Variants in ACAP2 observed in about 807,000 individuals in gnomAD.
The protein encoded by ACAP2 is ArfGAP with coiled-coil, ankyrin repeat and PH domains 2.
Under a neutral mutation model 115.8 loss-of-function variants are expected in ACAP2, and 39 were observed. The ratio of observed to expected loss-of-function variants is 0.34; its 90% CI spans 0.26 to 0.44. The LOEUF is 0.44. ACAP2 is among the 20% of genes least tolerant of loss of function. The pLI, the probability that ACAP2 is intolerant of heterozygous loss-of-function variation, is 1.00. For missense variants in ACAP2, 662 were observed against 927.6 expected (o/e 0.71, Z 3.72); for synonymous variants, 289 against 315.8 (o/e 0.92, Z 0.90).
intron 1 of ACAP2, among the ~76,000 whole-genome samples, chr3:195,431,061 C>T (rs140502586): frequency 1.3e-5 from 2 of 152,320 alleles, no homozygotes; most frequent in African/African-American, 4.8e-5. Context: ...CCTCACCCTC[C>T]AACCCCTAGA....
rs149294604 is a variant in ACAP2 at position 195,354,317 on chromosome 3, T to C, written c.286-9000A>G. On this transcript the variant is annotated intron_variant, in intron 4 of 22. Coordinates refer to ENST00000326793, the MANE Select transcript of ACAP2 (RefSeq NM_012287.6). ...GCTGCAATGAACATACACATACATATGTCTTTATAATAGAACTATATTCCT... is the reference window on the plus strand; with the variant it reads ...GCTGCAATGAACATACACATACATACGTCTTTATAATAGAACTATATTCCT... Among the ~76,000 whole-genome samples the C allele has an allele frequency of 2.2e-4, 34 of 152,364 alleles. No homozygotes were observed. In the East Asian group the frequency reaches 6.4e-3, roughly 29 times the overall value.
chr3:195,406,546 G>A (rs546375490), intron 1 of ACAP2, among the ~76,000 whole-genome samples: 2 of 152,228 alleles, frequency 1.3e-5, no homozygotes, highest in South Asian at 4.1e-4. Context: ...CAGATTGAGA[G>A]AACTAAAAAT....
chr3:195,320,325 G>A (rs1378539922), intron 10 of ACAP2, among the ~76,000 whole-genome samples: 4 of 152,144 alleles, frequency 2.6e-5, no homozygotes, highest in African/African-American at 7.2e-5. Flanking sequence ...AAGCTCACTT[G>A]TCCTATTCAT....
intron 10 of ACAP2, among the ~76,000 whole-genome samples, chr3:195,316,811 A>T (rs1054843073): frequency 6.6e-6 from 1 of 152,044 alleles, no homozygotes; most frequent in Non-Finnish European, 1.5e-5. Flanking sequence ...AATAAAACAA[A>T]CCATCTACCA....
chr3:195,368,507 T>C (rs920760113), intron 4 of ACAP2, among the ~76,000 whole-genome samples: 2 of 152,204 alleles, frequency 1.3e-5, no homozygotes, highest in African/African-American at 4.8e-5. Context: ...TTCTTCCTCC[T>C]GCATTCCCAT....
intron 4 of ACAP2, among the ~76,000 whole-genome samples, chr3:195,370,814 T>C (rs1733079480): frequency 6.6e-6 from 1 of 152,110 alleles, no homozygotes; most frequent in South Asian, 2.1e-4. Context: ...TAGCCAGGTA[T>C]GGTGGTGGGC....
intron 10 of ACAP2, among the ~76,000 whole-genome samples, chr3:195,311,693 C>A (rs913543790): frequency 1.3e-5 from 2 of 151,990 alleles, no homozygotes; most frequent in Non-Finnish European, 1.5e-5. Context: ...TGCACCACCA[C>A]GCCCAGCTAA....
chr3:195,303,331 C>T (rs774840648), intron 13 of ACAP2, among the ~76,000 whole-genome samples: 2 of 151,832 alleles, frequency 1.3e-5, no homozygotes, highest in Non-Finnish European at 2.9e-5. Context: ...ATTGCTTAAA[C>T]CCGGGAGGGG....
chr3:195,428,384 A>C (rs1440748569), intron 1 of ACAP2, among the ~76,000 whole-genome samples: 1 of 151,608 alleles, frequency 6.6e-6, no homozygotes, highest in African/African-American at 2.4e-5. Flanking sequence ...AGGTCTATAC[A>C]TATATATACA....
chr3:195,348,499 C>T (rs543143087), intron 4 of ACAP2, among the ~76,000 whole-genome samples: 3 of 151,706 alleles, frequency 2.0e-5, no homozygotes, highest in East Asian at 1.9e-4. Flanking sequence ...TCTGAGAAAA[C>T]GGAAGAACAA....
At chr3:195,354,454 A>G (rs1004202861) in intron 4 of ACAP2, among the ~76,000 whole-genome samples, 2 of 152,128 alleles carry the variant, frequency 1.3e-5, no homozygotes, top group Non-Finnish European at 2.9e-5. Context: ...CTTTTTTTAT[A>G]TGAGTGTTAG....
chr3:195,374,069 G>A (rs1030623442), intron 4 of ACAP2, among the ~76,000 whole-genome samples: 2 of 152,010 alleles, frequency 1.3e-5, no homozygotes, highest in African/African-American at 2.4e-5. Flanking sequence ...GAGCAACTTC[G>A]GTGTAAACCT....
At chr3:195,425,659 T>C (rs1714627863) in intron 1 of ACAP2, among the ~76,000 whole-genome samples, 1 of 152,164 alleles carries the variant, frequency 6.6e-6, no homozygotes, top group South Asian at 2.1e-4. Context: ...TGTCTCAAAC[T>C]TAACATGTAA....
chr3:195,398,577 C>T (rs368989365), intron 1 of ACAP2, among the ~76,000 whole-genome samples: 3 of 151,648 alleles, frequency 2.0e-5, no homozygotes, highest in African/African-American at 4.8e-5. Flanking sequence ...ACAGAGGTTG[C>T]GGTGAGCCAA....
At chr3:195,415,720 C>A (rs977373069) in intron 1 of ACAP2, among the ~76,000 whole-genome samples, 14 of 152,122 alleles carry the variant, frequency 9.2e-5, no homozygotes, top group Non-Finnish European at 1.9e-4. Context: ...TTGCATACCA[C>A]TGATTTGATA....
At chr3:195,347,152 C>T in intron 4 of ACAP2, among the ~76,000 whole-genome samples, 1 of 152,000 alleles carries the variant, frequency 6.6e-6, no homozygotes, top group East Asian at 1.9e-4. Flanking sequence ...TGAAGAATGA[C>T]AGTGTAAATA....
chr3:195,320,125 A>G (rs1246737535), intron 10 of ACAP2, among the ~76,000 whole-genome samples: 1 of 152,176 alleles, frequency 6.6e-6, no homozygotes, highest in Non-Finnish European at 1.5e-5. Context: ...ACCTTCTGCC[A>G]TGACTGTAAG....
At chr3:195,372,559 A>T (rs903236316) in intron 4 of ACAP2, among the ~76,000 whole-genome samples, 4 of 152,010 alleles carry the variant, frequency 2.6e-5, no homozygotes, top group Non-Finnish European at 4.4e-5. Flanking sequence ...AATAGCCCGC[A>T]CCTTGTAATC....
chr3:195,362,879 T>C (rs1248366195), intron 4 of ACAP2, among the ~76,000 whole-genome samples: 2 of 152,204 alleles, frequency 1.3e-5, no homozygotes, highest in African/African-American at 2.4e-5. Context: ...CTGAAAGCCT[T>C]TTCTCTAAGA....
Sources: allele counts gnomAD v4.1 joint callset (sites outside exome capture counted in the v4.1 genomes callset), GRCh38; gene constraint gnomAD v4.1.1; transcripts MANE v1.5; gene names NCBI Gene and HGNC (gene_info 2026-07-23, HGNC 2026-07-21).